SGMS1: variants seen among roughly 807,000 people sequenced by gnomAD.
SGMS1 encodes the protein phosphatidylcholine:ceramide cholinephosphotransferase 1.
In SGMS1, 13 loss-of-function variants were observed where a neutral mutation model predicts 46.2. The ratio of observed to expected loss-of-function variants is 0.28; its 90% CI spans 0.18 to 0.45. SGMS1 has a LOEUF of 0.45. Among genes scored for constraint, SGMS1 ranks in the 20% least tolerant of loss-of-function variants. The pLI is 1.00. For missense variants in SGMS1, 324 were observed against 519.9 expected (o/e 0.62, Z 3.66); for synonymous variants, 203 against 187.8 (o/e 1.08, Z -0.66).
chr10:50,483,345 G>C (rs1008090690), intron 3 of SGMS1, among the ~76,000 whole-genome samples: 41 of 152,198 alleles, frequency 2.7e-4, no homozygotes, highest in African/African-American at 9.7e-4. Context: ...CCCACAAGGT[G>C]CTGGGATTAC....
intron 8 of SGMS1, among the ~76,000 whole-genome samples, chr10:50,313,540 T>C (rs1847291493): frequency 6.6e-6 from 1 of 152,198 alleles, no homozygotes; most frequent in Non-Finnish European, 1.5e-5. Context: ...ATTGCATGCC[T>C]GCATAAACAT....
At chr10:50,479,233 G>GTAT (rs1471390497) in intron 3 of SGMS1, among the ~76,000 whole-genome samples, 1 of 152,006 alleles carries the variant, frequency 6.6e-6, no homozygotes, top group African/African-American at 2.4e-5. Context: ...TCCATTGGAT[G>GTAT]TATTCTTCAG....
chr10:50,320,487 C>G (rs1028283243), intron 8 of SGMS1, among the ~76,000 whole-genome samples: 3 of 152,216 alleles, frequency 2.0e-5, no homozygotes, highest in African/African-American at 7.2e-5. Flanking sequence ...AAATACCCTA[C>G]TATCTCTATC....
chr10:50,527,894 C>A (rs956548153), intron 2 of SGMS1, among the ~76,000 whole-genome samples: 1 of 152,152 alleles, frequency 6.6e-6, no homozygotes. Flanking sequence ...GGTCCTCCAA[C>A]GGCAGCTCTG....
intron 9 of SGMS1, among the ~76,000 whole-genome samples, 193 bp from the exon 10 acceptor site, chr10:50,308,341 T>C (rs1847206162): frequency 6.6e-6 from 1 of 152,220 alleles, no homozygotes; most frequent in South Asian, 2.1e-4. Flanking sequence ...GATGTGATTA[T>C]ACTAGTGATA....
chr10:50,557,090 T>A (rs1355581285), intron 2 of SGMS1, among the ~76,000 whole-genome samples: 3 of 152,216 alleles, frequency 2.0e-5, no homozygotes, highest in African/African-American at 7.2e-5. Context: ...TGCAGTGCTG[T>A]TAATCTTTCT....
intron 7 of SGMS1, 156 bp downstream of exon 7, chr10:50,343,336 C>T (rs189992684): frequency 2.7e-6 from 2 of 753,290 alleles, no homozygotes; most frequent in East Asian, 2.8e-5. Context: ...AGCTTCCAGA[C>T]AGTAAGTTAG....
chr10:50,571,341 G>A (rs1319275501), intron 2 of SGMS1, among the ~76,000 whole-genome samples: 1 of 152,198 alleles, frequency 6.6e-6, no homozygotes, highest in Non-Finnish European at 1.5e-5. Context: ...AATTTCAATA[G>A]TTAAGACTTT....
chr10:50,584,827 C>A (rs1264480929), intron 2 of SGMS1, among the ~76,000 whole-genome samples: 1 of 152,176 alleles, frequency 6.6e-6, no homozygotes, highest in Non-Finnish European at 1.5e-5. Context: ...AACATCCAAA[C>A]AAATTCCCAC....
chr10:50,465,887 G>C (rs1208686528), intron 4 of SGMS1, among the ~76,000 whole-genome samples: 4 of 151,324 alleles, frequency 2.6e-5, no homozygotes, highest in African/African-American at 7.3e-5. Context: ...CTTGGAGGCA[G>C]AATGACTTGA....
At chr10:50,624,582 G>A (rs887102515), upstream of SGMS1, 2 of 984,932 alleles carry the variant, frequency 2.0e-6, no homozygotes, top group South Asian at 9.4e-5. Flanking sequence ...CTGCGTCAGA[G>A]CCGCCCCGCC....
intron 8 of SGMS1, among the ~76,000 whole-genome samples, chr10:50,314,556 T>A (rs1467208535): frequency 6.6e-6 from 1 of 152,208 alleles, no homozygotes; most frequent in Non-Finnish European, 1.5e-5. Context: ...CCCAGTCACA[T>A]TGCTTCTAGG....
chr10:50,606,099 A>T (rs1838691931), intron 1 of SGMS1, among the ~76,000 whole-genome samples: 1 of 152,254 alleles, frequency 6.6e-6, no homozygotes, highest in South Asian at 2.1e-4. Context: ...CCAAGTGTCC[A>T]ATGACAGATG....
At chr10:50,543,098 A>C (rs1294355210) in intron 2 of SGMS1, among the ~76,000 whole-genome samples, 1 of 152,136 alleles carries the variant, frequency 6.6e-6, no homozygotes, top group African/African-American at 2.4e-5. Flanking sequence ...TAGCACCCAA[A>C]CTGTCTTGGA....
intron 1 of SGMS1, among the ~76,000 whole-genome samples, chr10:50,603,348 G>A (rs144349917): frequency 6.6e-6 from 1 of 152,192 alleles, no homozygotes; most frequent in Non-Finnish European, 1.5e-5. Flanking sequence ...GGGTAACAGA[G>A]CTAGCTTCCA....
At chr10:50,354,750 A>C (rs1726611290) in intron 6 of SGMS1, among the ~76,000 whole-genome samples, 1 of 152,136 alleles carries the variant, frequency 6.6e-6, no homozygotes. Context: ...TACAAGAAAA[A>C]AACAAACAAC....
At chr10:50,577,834 G>A (rs565142182) in intron 2 of SGMS1, among the ~76,000 whole-genome samples, 1 of 152,312 alleles carries the variant, frequency 6.6e-6, no homozygotes, top group Non-Finnish European at 1.5e-5. Flanking sequence ...TCCTTTCCCA[G>A]TGGTGAAGTT....
At chr10:50,580,982 A>G (rs12243444) in intron 2 of SGMS1, among the ~76,000 whole-genome samples, 11,448 of 152,244 alleles carry the variant, frequency 0.075, 1,285 homozygotes, top group African/African-American at 0.25. Flanking sequence ...AACACTGATC[A>G]CCACACCCCA....
chr10:50,554,016 C>G (rs1838170444), intron 2 of SGMS1, among the ~76,000 whole-genome samples: 1 of 152,190 alleles, frequency 6.6e-6, no homozygotes, highest in South Asian at 2.1e-4. Flanking sequence ...ACCCAACTCA[C>G]TCTGCACCTA....
Sources: gnomAD v4.1 joint callset for allele counts (sites outside exome capture counted in the v4.1 genomes callset) on GRCh38, gnomAD v4.1.1 for gene constraint, MANE v1.5 for transcripts, NCBI Gene and HGNC (gene_info 2026-07-23, HGNC 2026-07-21) for gene names.